The following NUB1 variants were observed in gnomAD, a reference collection of about 807,000 sequenced individuals.
The protein encoded by NUB1 is negative regulator of ubiquitin like proteins 1.
Under a neutral mutation model 77.1 loss-of-function variants are expected in NUB1, and 41 were observed. The ratio of observed to expected loss-of-function variants is 0.53; its 90% CI spans 0.41 to 0.69. The LOEUF is 0.69. NUB1 is among the 30% of genes least tolerant of loss of function. The pLI, the probability that NUB1 is intolerant of heterozygous loss-of-function variation, is 0.00. For missense variants in NUB1, 643 were observed against 743.8 expected, an observed-to-expected ratio of 0.86 and a Z score of 1.58; for synonymous variants, 257 against 281.0, an observed-to-expected ratio of 0.91 and a Z score of 0.85.
intron 2 of NUB1, among the ~76,000 whole-genome samples, chr7:151,347,418 G>GA (rs58078152): frequency 0.75 from 112,072 of 149,608 alleles, 42,227 homozygotes; most frequent in East Asian, 0.98. Flanking sequence ...GTCTCTAAAA[G>GA]AAAAAAAAAG....
intron 11 of NUB1, 37 bp downstream of exon 11, chr7:151,368,924 G>C (rs778221502): frequency 1.3e-6 from 2 of 1,551,698 alleles, no homozygotes; most frequent in African/African-American, 2.8e-5. Flanking sequence ...TCTTGGGTAT[G>C]AAAGAACAAA....
intron 2 of NUB1, among the ~76,000 whole-genome samples, chr7:151,347,423 A>AG (rs1415972247): frequency 6.6e-6 from 1 of 151,484 alleles, no homozygotes; most frequent in African/African-American, 2.4e-5. Flanking sequence ...TAAAAGAAAA[A>AG]AAAAGTATAT....
At chr7:151,371,864 C>T (rs1471560562) in intron 11 of NUB1, among the ~76,000 whole-genome samples, 1 of 152,134 alleles carries the variant, frequency 6.6e-6, no homozygotes, top group Non-Finnish European at 1.5e-5. Context: ...CTGCCAAGAG[C>T]TCTCGGCTGA....
At position 151,376,095 on chromosome 7, in the gene NUB1, C is replaced by T. The variant is rs563173539; in HGVS notation, c.1491+152C>T. ...TGTAACCTGCCCACCTCAGAGGCCA[C>T]CCACGCAGTAACAGAGGGCAGGGGA... On this transcript the variant is annotated intron_variant, in intron 13 of 14. Transcript: ENST00000568733. 134 of 629,008 alleles carry T rather than the reference C, an allele frequency of 2.1e-4. 1 individual carries two copies. The East Asian group carries it at 3.6e-3, about 17-fold the overall frequency. The allele number at this position is 629,008 out of a possible 1,614,324, so 39.0% of individuals were successfully genotyped here.
chr7:151,367,930 A>C lies in NUB1; in HGVS notation c.1057A>C (p.Ser353Arg). The C allele has an allele frequency of 6.3e-7, 1 of 1,596,046 alleles. No individual in the cohort carries two copies. The highest frequency in any genetic ancestry group is 8.5e-7 in the Non-Finnish European group (1 of 1,170,040). Residue 353 changes from serine (S) to arginine (R), a missense_variant, in exon 10 of 15, where the codon AGT becomes CGT. By Grantham distance (110) the Ser-to-Arg change is moderately radical (BLOSUM62 -1). Transcript: ENST00000568733. ...YLLQGIRNYHSGNDVEAYEYL... is the reference protein window; with the variant it reads ...YLLQGIRNYHRGNDVEAYEYL... ...ACTTCAAGGGATCCGAAACTATCAC[A>C]GTGGAAATGATGTAGAGGCTTATGA...
chr7:151,376,937 C>T, intron 14 of NUB1, 110 bp from the exon 15 acceptor site: 3 of 1,418,330 alleles, frequency 2.1e-6, no homozygotes, highest in South Asian at 2.9e-5. Context: ...GGGCCGGCCA[C>T]CTGGACAGTG....
intron 12 of NUB1, 145 bp downstream of exon 12, chr7:151,374,388 C>A: frequency 1.8e-6 from 2 of 1,114,096 alleles, no homozygotes; most frequent in Non-Finnish European, 2.6e-6. Flanking sequence ...TTCTCCTGGG[C>A]TCCAGCCCAG....
chr7:151,346,810 A>C (rs112678977), intron 2 of NUB1, among the ~76,000 whole-genome samples: 17 of 152,312 alleles, frequency 1.1e-4, no homozygotes, highest in African/African-American at 3.8e-4. Flanking sequence ...GAGTTCTGTG[A>C]GTTGTTCTAG....
chr7:151,370,494 C>A (rs752759189), intron 11 of NUB1, among the ~76,000 whole-genome samples: 77 of 152,076 alleles, frequency 5.1e-4, no homozygotes, highest in Non-Finnish European at 8.5e-4. Context: ...TACTCCACTA[C>A]CAGTAAGAAT....
intron 1 of NUB1, among the ~76,000 whole-genome samples, chr7:151,344,987 G>A (rs543598645): frequency 1.6e-3 from 239 of 152,222 alleles, no homozygotes; most frequent in East Asian, 0.012. Context: ...GCGACAGAGC[G>A]AGACTCCGTC....
At chr7:151,368,513 T>A (rs1797805315) in intron 10 of NUB1, among the ~76,000 whole-genome samples, 1 of 152,238 alleles carries the variant, frequency 6.6e-6, no homozygotes, top group African/African-American at 2.4e-5. Flanking sequence ...ACACCCAGCC[T>A]CTTACCTCGT....
intron 8 of NUB1, among the ~76,000 whole-genome samples, chr7:151,363,752 A>G (rs1797498097): frequency 7.0e-6 from 1 of 142,004 alleles, no homozygotes; most frequent in Non-Finnish European, 1.5e-5. Context: ...ACCTTTCTTG[A>G]AAAAAGTTAG....
chr7:151,349,304 T>C, intron 3 of NUB1, 64 bp downstream of exon 3: 6 of 1,324,716 alleles, frequency 4.5e-6, no homozygotes, highest in Non-Finnish European at 6.3e-6. Context: ...TCAAATAAAT[T>C]GTTGTTGTTT....
At chr7:151,376,347 A>AC (rs1798244061) in intron 13 of NUB1, 1 of 487,384 alleles carries the variant, frequency 2.1e-6, no homozygotes, top group Admixed American at 3.5e-5. Context: ...GTGGCCACTG[A>AC]CCTCGCGGTG....
intron 7 of NUB1, among the ~76,000 whole-genome samples, chr7:151,359,783 AT>A (rs1159694689): frequency 1.3e-5 from 2 of 152,228 alleles, no homozygotes; most frequent in Non-Finnish European, 2.9e-5. Context: ...TCTCAAAAAA[AT>A]AAAATAAATA....
chr7:151,350,001 A>G (rs907030365), intron 3 of NUB1, among the ~76,000 whole-genome samples: 7 of 152,228 alleles, frequency 4.6e-5, no homozygotes, highest in African/African-American at 9.6e-5. Context: ...GTCATCTCCA[A>G]TGATTGATAA....
At position 151,356,160 on chromosome 7, in the gene NUB1, C is replaced by A; in HGVS notation, c.631C>A (p.Pro211Thr). The change falls in exon 7 of 15, where the codon CCG becomes ACG. Residue 211 changes from proline (P) to threonine (T), a missense_variant. By Grantham distance (38) the Pro-to-Thr change is conservative. Coordinates refer to ENST00000568733, the MANE Select transcript of NUB1 (RefSeq NM_001243351.2). Reference protein sequence around the residue: ...AETVVDPEMTPYLDIANQTGR... With the variant: ...AETVVDPEMTTYLDIANQTGR... ...GACAGTGGTGGATCCAGAAATGACA[C>A]CGTACTTAGACATAGCTAACCAGAC... is the stretch of plus-strand genomic sequence containing the variant. 1 of 1,613,904 alleles carries A rather than the reference C, an allele frequency of 6.2e-7. No individual in the cohort carries two copies. Among genetic ancestry groups the A allele is most frequent in the South Asian group, 1.1e-5 (1 of 91,070 alleles).
chr7:151,351,143 G>T, intron 3 of NUB1: 1 of 394,062 alleles, frequency 2.5e-6, no homozygotes, highest in Non-Finnish European at 4.6e-6. Context: ...TTGAGGGATG[G>T]TGGAAATGTT....
At chr7:151,376,122 G>T in intron 13 of NUB1, 179 bp downstream of exon 13, 1 of 571,180 alleles carries the variant, frequency 1.8e-6, no homozygotes, top group Non-Finnish European at 3.2e-6. Context: ...GGCAGGGGAG[G>T]CCTCCTTGGA....
Sources: gnomAD v4.1 joint callset for allele counts (sites outside exome capture counted in the v4.1 genomes callset) on GRCh38, gnomAD v4.1.1 for gene constraint, MANE v1.5 for transcripts, NCBI Gene and HGNC (gene_info 2026-07-23, HGNC 2026-07-21) for gene names.